LMBR1: variants seen among roughly 807,000 people sequenced by gnomAD.
The protein encoded by LMBR1 is limb development membrane protein 1.
A neutral mutation model predicts 73.9 loss-of-function variants in LMBR1; 52 were observed. That is an observed-to-expected ratio of 0.70 (90% CI 0.56 to 0.89). The LOEUF is 0.89. LMBR1 is among the 40% of genes least tolerant of loss of function. The pLI is 0.00. For missense variants in LMBR1, 539 were observed against 579.8 expected (o/e 0.93, Z 0.72); for synonymous variants, 215 against 209.4 (o/e 1.03, Z -0.23).
intron 1 of LMBR1, among the ~76,000 whole-genome samples, chr7:156,872,591 G>A (rs111846423): frequency 0.029 from 4,423 of 151,704 alleles, 100 homozygotes; most frequent in South Asian, 0.085. Context: ...AGGCTGCAGT[G>A]AGCCGAGATC....
At chr7:156,752,286 T>C (rs1585559260) in intron 9 of LMBR1, among the ~76,000 whole-genome samples, 1 of 152,112 alleles carries the variant, frequency 6.6e-6, no homozygotes, top group Non-Finnish European at 1.5e-5. Context: ...AGCTTTGCCA[T>C]AAAGACCAAA....
chr7:156,699,702 T>C (rs1402196202), intron 15 of LMBR1, among the ~76,000 whole-genome samples: 2 of 151,826 alleles, frequency 1.3e-5, no homozygotes, highest in Non-Finnish European at 2.9e-5. Flanking sequence ...CTCAAACAAA[T>C]TTACAAGAAA....
At chr7:156,762,985 T>C in intron 7 of LMBR1, 123 bp downstream of exon 7, 3 of 581,190 alleles carry the variant, frequency 5.2e-6, no homozygotes, top group Non-Finnish European at 9.2e-6. Flanking sequence ...TGAATAAAAA[T>C]AGTTAAGGCG....
At chr7:156,718,325 A>C (rs1246047613) in intron 15 of LMBR1, among the ~76,000 whole-genome samples, 1 of 151,882 alleles carries the variant, frequency 6.6e-6, no homozygotes, top group Admixed American at 6.6e-5. Flanking sequence ...ACTTGAACCC[A>C]GGAGGCAGAG....
chr7:156,850,658 C>G (rs1448687346), intron 1 of LMBR1, among the ~76,000 whole-genome samples: 1 of 151,844 alleles, frequency 6.6e-6, no homozygotes, highest in Non-Finnish European at 1.5e-5. Context: ...ACCTCTGTTT[C>G]ATTAAAAACA....
At chr7:156,862,734 A>G (rs530561769) in intron 1 of LMBR1, among the ~76,000 whole-genome samples, 2 of 152,324 alleles carry the variant, frequency 1.3e-5, no homozygotes, top group African/African-American at 4.8e-5. Context: ...CTCCCTACAT[A>G]ATGTGGTTGG....
intron 4 of LMBR1, among the ~76,000 whole-genome samples, chr7:156,812,300 T>C (rs930781984): frequency 1.3e-5 from 2 of 151,924 alleles, no homozygotes; most frequent in African/African-American, 4.8e-5. Flanking sequence ...GAGCCTTTCA[T>C]GTGATTTTTA....
chr7:156,828,540 A>T (rs1335817317), intron 3 of LMBR1, among the ~76,000 whole-genome samples: 1 of 152,214 alleles, frequency 6.6e-6, no homozygotes, highest in Admixed American at 6.5e-5. Context: ...GTCTAAATAA[A>T]ATAAGGTGAT....
At chr7:156,732,187 C>T (rs936792384) in intron 10 of LMBR1, among the ~76,000 whole-genome samples, 1 of 151,974 alleles carries the variant, frequency 6.6e-6, no homozygotes, top group Admixed American at 6.6e-5. Flanking sequence ...ATTAAGAAAC[C>T]AAAAAGTACA....
At chr7:156,866,620 T>TTA (rs1408585931) in intron 1 of LMBR1, among the ~76,000 whole-genome samples, 2 of 150,754 alleles carry the variant, frequency 1.3e-5, no homozygotes, top group Admixed American at 1.3e-4. Context: ...TTTTTTTTTT[T>TTA]AATGAGACAT....
At chr7:156,676,851 G>C, downstream of LMBR1, 1 of 563,374 alleles carries the variant, frequency 1.8e-6, no homozygotes, top group Admixed American at 3.1e-5. Flanking sequence ...TCTCTAAAAA[G>C]TAAATTTCAA....
At chr7:156,771,821 G>A (rs1049629564) in intron 5 of LMBR1, among the ~76,000 whole-genome samples, 12 of 152,102 alleles carry the variant, frequency 7.9e-5, no homozygotes, top group Non-Finnish European at 1.3e-4. Context: ...GATAAACACA[G>A]ATGCAAAATC....
chr7:156,855,156 G>A (rs1253342814), intron 1 of LMBR1, among the ~76,000 whole-genome samples: 1 of 152,014 alleles, frequency 6.6e-6, no homozygotes, highest in Non-Finnish European at 1.5e-5. Context: ...ATGCAAAGGT[G>A]GAAAAGTAAA....
At chr7:156,725,306 G>T in intron 14 of LMBR1, 129 bp downstream of exon 14, 1 of 595,030 alleles carries the variant, frequency 1.7e-6, no homozygotes, top group Non-Finnish European at 3.0e-6. Flanking sequence ...AAATCTTCCA[G>T]TTTGTGTTTA....
At chr7:156,729,888 AACTT>A (rs1816519343) in intron 10 of LMBR1, among the ~76,000 whole-genome samples, 1 of 152,222 alleles carries the variant, frequency 6.6e-6, no homozygotes, top group South Asian at 2.1e-4. Flanking sequence ...AGATAAATCA[AACTT>A]AATTTTTAAA....
chr7:156,700,553 AT>A (rs200246989), intron 15 of LMBR1, among the ~76,000 whole-genome samples: 2 of 152,144 alleles, frequency 1.3e-5, no homozygotes, highest in East Asian at 3.9e-4. Flanking sequence ...TAATAATAAA[AT>A]TTAAAAAAAA....
chr7:156,740,801 T>C (rs1209892197), intron 9 of LMBR1, among the ~76,000 whole-genome samples: 1 of 152,162 alleles, frequency 6.6e-6, no homozygotes, highest in Non-Finnish European at 1.5e-5. Flanking sequence ...AGAAATCACC[T>C]GAAGATACAC....
At chr7:156,820,013 A>G (rs1834505522) in intron 4 of LMBR1, among the ~76,000 whole-genome samples, 1 of 152,222 alleles carries the variant, frequency 6.6e-6, no homozygotes, top group Non-Finnish European at 1.5e-5. Flanking sequence ...GGGATTTCAG[A>G]GATTACTGCC....
chr7:156,719,123 TC>T (rs373665026), intron 15 of LMBR1, among the ~76,000 whole-genome samples: 15,678 of 135,480 alleles, frequency 0.12, 1,125 homozygotes, highest in South Asian at 0.17. Flanking sequence ...CCTAATGCTA[TC>T]CCCCCCCTCC....
Sources: allele counts gnomAD v4.1 joint callset (sites outside exome capture counted in the v4.1 genomes callset), GRCh38; gene constraint gnomAD v4.1.1; transcripts MANE v1.5; gene names NCBI Gene and HGNC (gene_info 2026-07-23, HGNC 2026-07-21).